Variants in UBASH3B observed in about 807,000 individuals in gnomAD.
UBASH3B encodes the protein ubiquitin associated and SH3 domain containing B.
Under a neutral mutation model 83.4 loss-of-function variants are expected in UBASH3B, and 37 were observed. The observed-to-expected ratio is 0.44, with a 90% confidence interval of 0.34 to 0.58. The LOEUF (loss-of-function observed/expected upper bound fraction) is 0.58. Among genes scored for constraint, UBASH3B ranks in the 20% least tolerant of loss-of-function variants. The pLI, the probability that UBASH3B is intolerant of heterozygous loss-of-function variation, is 0.01. For missense variants in UBASH3B, 657 were observed against 827.2 expected (o/e 0.79, Z 2.52); for synonymous variants, 304 against 318.3 (o/e 0.96, Z 0.48).
intron 1 of UBASH3B, among the ~76,000 whole-genome samples, chr11:122,753,345 G>A (rs1184505213): frequency 1.3e-5 from 2 of 151,710 alleles, no homozygotes; most frequent in African/African-American, 4.8e-5. Context: ...CAGCTACTCA[G>A]CAGGCTGAGG....
chr11:122,746,312 A>G (rs1861117676), intron 1 of UBASH3B, among the ~76,000 whole-genome samples: 1 of 152,216 alleles, frequency 6.6e-6, no homozygotes, highest in African/African-American at 2.4e-5. Context: ...GGGAGGTTCC[A>G]TGCCAAAAGG....
chr11:122,741,241 A>C lies in UBASH3B; in HGVS notation c.162-34978A>C, dbSNP rs1197724725. Among the ~76,000 whole-genome samples, 5 of 152,234 alleles carry C rather than the reference A, an allele frequency of 3.3e-5. No homozygotes were observed. In the South Asian group the frequency reaches 6.2e-4, roughly 19 times the overall value. ...AAAATATTCAATTTACTCTCAGTTC[A>C]TAGAATATTTTCATGTTCGGCTCTT... On this transcript the variant is annotated intron_variant, in intron 1 of 13. Coordinates refer to ENST00000284273, the MANE Select transcript of UBASH3B (RefSeq NM_032873.5).
chr11:122,741,586 G>A (rs970517504), intron 1 of UBASH3B, among the ~76,000 whole-genome samples: 8 of 152,150 alleles, frequency 5.3e-5, no homozygotes, highest in African/African-American at 1.4e-4. Flanking sequence ...TGAAATCCTC[G>A]CGGGTCTCCT....
At chr11:122,719,255 C>T (rs1860582394) in intron 1 of UBASH3B, among the ~76,000 whole-genome samples, 1 of 152,182 alleles carries the variant, frequency 6.6e-6, no homozygotes, top group Non-Finnish European at 1.5e-5. Flanking sequence ...CTTCAATTTC[C>T]TCATCAGATG....
intron 1 of UBASH3B, among the ~76,000 whole-genome samples, chr11:122,757,921 T>A (rs1861308577): frequency 1.3e-5 from 2 of 151,786 alleles, no homozygotes; most frequent in South Asian, 4.2e-4. Context: ...ACCATGTTGA[T>A]GGTCTCTATC....
At position 122,806,122 on chromosome 11, in the gene UBASH3B, C is replaced by T. The variant is rs1861336110; in HGVS notation, c.1596-288C>T. On this transcript the variant is annotated intron_variant, in intron 11 of 13. Transcript: ENST00000284273. This position sits in a 1 kb window ranked among gnomAD's most constrained non-coding sequence, Gnocchi z 4.0. ...TATTAGCTATGTGACTAGGACCATCCATCAATGGCTTATTTGTTATCCCGA... is the reference window on the plus strand; with the variant it reads ...TATTAGCTATGTGACTAGGACCATCTATCAATGGCTTATTTGTTATCCCGA... 6.6e-6 allele frequency among the ~76,000 whole-genome samples: 1 copy of T among 152,112 alleles called. No homozygotes were observed. The highest frequency in any genetic ancestry group is 2.1e-4 in the South Asian group (1 of 4,818).
chr11:122,714,103 C>G (rs1864234890), intron 1 of UBASH3B, among the ~76,000 whole-genome samples: 1 of 152,162 alleles, frequency 6.6e-6, no homozygotes, highest in African/African-American at 2.4e-5. Flanking sequence ...TAGTTGATTG[C>G]CTTCGTCTAA....
chr11:122,751,411 G>C (rs1434929631), intron 1 of UBASH3B, among the ~76,000 whole-genome samples: 1 of 152,178 alleles, frequency 6.6e-6, no homozygotes, highest in Non-Finnish European at 1.5e-5. Context: ...GTCGTCATCT[G>C]TCCATTGGAG....
At chr11:122,690,188 A>ATATATCCAAT (rs1555135491) in intron 1 of UBASH3B, among the ~76,000 whole-genome samples, 9 of 21,900 alleles carry the variant, frequency 4.1e-4, no homozygotes, top group African/African-American at 8.8e-4. Flanking sequence ...ATATATATAT[A>ATATATCCAAT]TATATATATA....
intron 1 of UBASH3B, among the ~76,000 whole-genome samples, chr11:122,679,646 C>T (rs1209761108): frequency 6.6e-5 from 10 of 152,118 alleles, no homozygotes; most frequent in Admixed American, 2.0e-4. Flanking sequence ...CAGGCTTGGC[C>T]GACCATATGG....
rs1274763936 is a variant in UBASH3B, at chr11:122,794,588, T to C, written c.981-114T>C. The C allele has an allele frequency of 4.5e-6, 6 of 1,336,604 alleles. No individual in the cohort carries two copies. In the South Asian group the frequency reaches 6.6e-5, roughly 15 times the overall value. 82.8% of individuals were successfully genotyped at this position (1,336,604 alleles called of 1,614,324 possible). A position where few individuals can be genotyped will look rare whatever the true frequency, so the allele number is the denominator to read the frequency against. On this transcript the variant is annotated intron_variant, in intron 6 of 13. Transcript: ENST00000284273. ...CACTCCTGCTCAGCATCCCCCATCA[T>C]TGTGCTACCCACAGAGGGCTTTGAG...
intron 1 of UBASH3B, among the ~76,000 whole-genome samples, chr11:122,676,026 T>G (rs1319436632): frequency 6.6e-6 from 1 of 152,222 alleles, no homozygotes; most frequent in Non-Finnish European, 1.5e-5. Context: ...CAGAAGTGAC[T>G]GTGCCAATGC....
chr11:122,724,993 C>T (rs1860707008), intron 1 of UBASH3B, among the ~76,000 whole-genome samples: 1 of 151,626 alleles, frequency 6.6e-6, no homozygotes, highest in Non-Finnish European at 1.5e-5. Context: ...TGCTCTTTCC[C>T]CCAGGCTGGA....
intron 6 of UBASH3B, among the ~76,000 whole-genome samples, chr11:122,791,133 G>A (rs1861046342): frequency 6.6e-6 from 1 of 152,204 alleles, no homozygotes; most frequent in South Asian, 2.1e-4. Context: ...TACTAATGAT[G>A]TCATGTCTCT....
chr11:122,741,733 C>T (rs192036096), intron 1 of UBASH3B, among the ~76,000 whole-genome samples: 1 of 152,152 alleles, frequency 6.6e-6, no homozygotes, highest in African/African-American at 2.4e-5. Flanking sequence ...GCCCCAGAAA[C>T]GTGAACTTTC....
intron 1 of UBASH3B, among the ~76,000 whole-genome samples, chr11:122,706,731 CAT>C (rs1278128287): frequency 6.6e-6 from 1 of 152,124 alleles, no homozygotes; most frequent in African/African-American, 2.4e-5. Context: ...CAAGAAGAAA[CAT>C]ATATGTACGC....
At chr11:122,727,915 C>T (rs1860771998) in intron 1 of UBASH3B, among the ~76,000 whole-genome samples, 1 of 152,124 alleles carries the variant, frequency 6.6e-6, no homozygotes, top group South Asian at 2.1e-4. Flanking sequence ...GTGGCCCAGT[C>T]CCTATCCTGA....
intron 1 of UBASH3B, among the ~76,000 whole-genome samples, chr11:122,727,009 A>G (rs1009128368): frequency 3.3e-5 from 5 of 152,148 alleles, no homozygotes; most frequent in Non-Finnish European, 7.4e-5. Flanking sequence ...CCCAGGACTT[A>G]TTTTTAAAAA....
chr11:122,731,516 CCTAGATATCTAGTCA>C (rs1319675640), intron 1 of UBASH3B, among the ~76,000 whole-genome samples: 1 of 148,328 alleles, frequency 6.7e-6, no homozygotes, highest in African/African-American at 2.4e-5. Context: ...GGTCTGATAA[CCTAGATATCTAGTCA>C]CTAGATAACT....
Sources: allele counts gnomAD v4.1 joint callset (sites outside exome capture counted in the v4.1 genomes callset), GRCh38; gene constraint gnomAD v4.1.1; non-coding constraint Gnocchi (gnomAD v3.1); transcripts MANE v1.5; gene names NCBI Gene and HGNC (gene_info 2026-07-23, HGNC 2026-07-21).